Variants in DLG2 observed in about 807,000 individuals in gnomAD.
DLG2 encodes the protein disks large homolog 2.
A neutral mutation model predicts 132.5 loss-of-function variants in DLG2; 45 were observed. The ratio of observed to expected loss-of-function variants is 0.34; its 90% confidence interval spans 0.27 to 0.44. The LOEUF (loss-of-function observed/expected upper bound fraction) is 0.44, where lower values mean the gene tolerates loss of function less well. Ranked by LOEUF, DLG2 falls within the 20% of genes least tolerant of loss-of-function variation. The probability of loss-of-function intolerance (pLI) is 1.00; values close to 1 mark genes in which losing one functional copy is unlikely to be tolerated. For synonymous variants in DLG2, 424 were observed against 419.6 expected (o/e 1.01, Z -0.13); for missense variants, 1,045 against 1,196.9 (o/e 0.87, Z 1.87).
intron 5 of DLG2, among the ~76,000 whole-genome samples, chr11:85,150,699 A>AGTGTGTGTGTGTGTGT (rs71036459): frequency 1.6e-5 from 2 of 127,348 alleles, no homozygotes; most frequent in East Asian, 2.4e-4. Context: ...AAGGCTACAT[A>AGTGTGTGTGTGTGTGT]GTGTGTGTGT....
At chr11:85,146,097 T>C (rs2076821109) in intron 5 of DLG2, among the ~76,000 whole-genome samples, 1 of 152,126 alleles carries the variant, frequency 6.6e-6, no homozygotes, top group Non-Finnish European at 1.5e-5. Flanking sequence ...TGCAGACTCC[T>C]AGAGGTACCA....
In DLG2 at chr11:83,850,123, AGTGTGT is replaced by A. The variant is rs544279195; in HGVS notation, c.1566-16359_1566-16354del. Among the ~76,000 whole-genome samples the A allele has an allele frequency of 6.3e-3, 248 of 39,114 alleles. 2 individuals carry two copies. The highest frequency in any genetic ancestry group is 6.2e-3 in the Non-Finnish European group (113 of 18,248). The allele number at this position is 39,114 out of a possible 152,430, so 25.7% of individuals were successfully genotyped here. ...TCATTCATCCGTAACATTTGGGGTA[AGTGTGT>A]GTGTGTGTGTGTGTGTGTGTGTGTG... On this transcript the variant is annotated intron_variant, in intron 16 of 27. Transcript: ENST00000376104.
chr11:84,926,463 T>C (rs983105247), intron 6 of DLG2, among the ~76,000 whole-genome samples: 5 of 152,024 alleles, frequency 3.3e-5, no homozygotes, highest in Non-Finnish European at 7.4e-5. Context: ...TATATACATA[T>C]TCTTATGTGG....
At chr11:84,275,495 C>T (rs930078209) in intron 7 of DLG2, among the ~76,000 whole-genome samples, 2 of 152,182 alleles carry the variant, frequency 1.3e-5, no homozygotes, top group African/African-American at 4.8e-5. Context: ...GCTGGGACTA[C>T]AGGCACCCGC....
At chr11:84,206,252 G>A (rs1413325356) in intron 8 of DLG2, among the ~76,000 whole-genome samples, 1 of 151,994 alleles carries the variant, frequency 6.6e-6, no homozygotes, top group East Asian at 1.9e-4. Context: ...TGAATGTGAA[G>A]TTTAAAAACT....
chr11:84,973,653 G>GA (rs2054434756), intron 6 of DLG2, among the ~76,000 whole-genome samples: 1 of 152,092 alleles, frequency 6.6e-6, no homozygotes, highest in Non-Finnish European at 1.5e-5. Context: ...CTTAGATTAT[G>GA]AAAAAATAGT....
chr11:85,424,323 G>T (rs561584589), intron 3 of DLG2, among the ~76,000 whole-genome samples: 1 of 152,222 alleles, frequency 6.6e-6, no homozygotes, highest in South Asian at 2.1e-4. Flanking sequence ...GGTTCTCTCA[G>T]GTTTCCTGAT....
At chr11:85,200,574 G>A (rs919676251) in intron 4 of DLG2, among the ~76,000 whole-genome samples, 1 of 152,112 alleles carries the variant, frequency 6.6e-6, no homozygotes, top group Non-Finnish European at 1.5e-5. Flanking sequence ...TCTATGCAGG[G>A]ACTTGCTGGG....
intron 7 of DLG2, among the ~76,000 whole-genome samples, chr11:84,482,114 C>T (rs781111911): frequency 2.6e-5 from 4 of 152,130 alleles, no homozygotes; most frequent in South Asian, 2.1e-4. Flanking sequence ...TAGATAAATA[C>T]ATTTCTGCAG....
chr11:85,023,351 C>G (rs954301070), intron 6 of DLG2, among the ~76,000 whole-genome samples: 11 of 151,970 alleles, frequency 7.2e-5, no homozygotes, highest in African/African-American at 1.9e-4. Flanking sequence ...CGATTTGCAA[C>G]CCCTAACATT....
intron 4 of DLG2, among the ~76,000 whole-genome samples, chr11:85,226,825 C>T (rs970840996): frequency 1.3e-5 from 2 of 152,138 alleles, no homozygotes; most frequent in Admixed American, 6.6e-5. Flanking sequence ...CCTATCCCTG[C>T]TCTTTTAGTG....
chr11:84,220,459 C>G (rs1460891058), intron 8 of DLG2, among the ~76,000 whole-genome samples: 2 of 152,162 alleles, frequency 1.3e-5, no homozygotes, highest in Non-Finnish European at 2.9e-5. Flanking sequence ...CCAAAACTTA[C>G]TTATGTTGGT....
chr11:84,480,527 A>G (rs1165872478), intron 7 of DLG2, among the ~76,000 whole-genome samples: 1 of 152,000 alleles, frequency 6.6e-6, no homozygotes, highest in Non-Finnish European at 1.5e-5. Flanking sequence ...TAACTAAAAC[A>G]TAAGTTTTAC....
intron 21 of DLG2, among the ~76,000 whole-genome samples, chr11:83,485,066 A>ATTAAC (rs538911673): frequency 3.9e-5 from 6 of 152,158 alleles, no homozygotes; most frequent in African/African-American, 7.2e-5. Flanking sequence ...TTAACTTGAT[A>ATTAAC]TTAACTTAAC....
At chr11:83,641,739 T>C (rs1290284189) in intron 18 of DLG2, among the ~76,000 whole-genome samples, 1 of 152,198 alleles carries the variant, frequency 6.6e-6, no homozygotes, top group Non-Finnish European at 1.5e-5. Context: ...TACTAGCTTT[T>C]ACTTCAACCC....
chr11:84,645,630 G>A (rs1052449230), intron 6 of DLG2, among the ~76,000 whole-genome samples: 2 of 152,076 alleles, frequency 1.3e-5, no homozygotes, highest in African/African-American at 4.8e-5. Context: ...ACCATGCCCG[G>A]CTAATTTTTT....
chr11:85,590,367 A>T (rs2079234272), intron 3 of DLG2, among the ~76,000 whole-genome samples: 1 of 152,220 alleles, frequency 6.6e-6, no homozygotes, highest in Non-Finnish European at 1.5e-5. Flanking sequence ...AACAAATACC[A>T]TAGAAACATA....
intron 6 of DLG2, among the ~76,000 whole-genome samples, chr11:84,672,094 T>C (rs2099706507): frequency 6.6e-6 from 1 of 152,146 alleles, no homozygotes; most frequent in South Asian, 2.1e-4. Context: ...GCTCCAAATG[T>C]TGGTGATATA....
chr11:85,237,671 C>T (rs1380488650), intron 4 of DLG2, among the ~76,000 whole-genome samples: 2 of 151,948 alleles, frequency 1.3e-5, no homozygotes, highest in Non-Finnish European at 2.9e-5. Flanking sequence ...CTCATTATAC[C>T]CCCTCCTGTC....
Sources: gnomAD v4.1 joint callset for allele counts (sites outside exome capture counted in the v4.1 genomes callset) on GRCh38, gnomAD v4.1.1 for gene constraint, MANE v1.5 for transcripts, NCBI Gene and HGNC (gene_info 2026-07-23, HGNC 2026-07-21) for gene names.